NCOR1: variants seen among roughly 807,000 people sequenced by gnomAD.
NCOR1 encodes the protein protein phosphatase 1, regulatory subunit 109.
Under a neutral mutation model 288.1 loss-of-function variants are expected in NCOR1, and 63 were observed. That is an observed-to-expected ratio of 0.22 (90% CI 0.18 to 0.27). The LOEUF is 0.27. NCOR1 is among the 10% of genes least tolerant of loss of function. NCOR1 has a pLI of 1.00. For missense variants in NCOR1, 2,397 were observed against 3,019.2 expected, an observed-to-expected ratio of 0.79 and a Z score of 4.83; for synonymous variants, 1,007 against 1,065.9, an observed-to-expected ratio of 0.94 and a Z score of 1.08.
intron 42 of NCOR1, chr17:16,044,854 A>T: frequency 1.1e-6 from 1 of 882,736 alleles, no homozygotes; most frequent in Non-Finnish European, 1.9e-6. Flanking sequence ...CACCAGTGGG[A>T]TCCTGCCCAC....
intron 16 of NCOR1, among the ~76,000 whole-genome samples, chr17:16,120,567 G>C (rs2072785241): frequency 6.6e-6 from 1 of 152,056 alleles, no homozygotes; most frequent in South Asian, 2.1e-4. Context: ...CTTAATGAGA[G>C]AGAGAAAGAT....
At chr17:16,065,068 A>G (rs1373246407) in intron 33 of NCOR1, 49 bp from the exon 34 acceptor site, 2 of 1,552,798 alleles carry the variant, frequency 1.3e-6, no homozygotes, top group South Asian at 2.3e-5. Context: ...CTAAAGGTAC[A>G]GAACCATACA....
chr17:16,087,638 C>G (rs971571531), intron 22 of NCOR1, among the ~76,000 whole-genome samples: 2 of 152,184 alleles, frequency 1.3e-5, no homozygotes, highest in Non-Finnish European at 2.9e-5. Flanking sequence ...AGGCAAACAT[C>G]AGATTATCAA....
At chr17:16,050,976 G>T (rs1006482054) in intron 40 of NCOR1, among the ~76,000 whole-genome samples, 2 of 152,074 alleles carry the variant, frequency 1.3e-5, no homozygotes, top group Non-Finnish European at 2.9e-5. Context: ...GGGACTACAG[G>T]TGCATGCCAC....
At chr17:16,166,445 C>T (rs570337367) in intron 4 of NCOR1, among the ~76,000 whole-genome samples, 1 of 152,146 alleles carries the variant, frequency 6.6e-6, no homozygotes, top group African/African-American at 2.4e-5. Context: ...CTTTGGGATG[C>T]TGACGCAGGC....
At chr17:16,043,846 C>T (rs1471473470) in intron 42 of NCOR1, among the ~76,000 whole-genome samples, 1 of 152,160 alleles carries the variant, frequency 6.6e-6, no homozygotes, top group Non-Finnish European at 1.5e-5. Flanking sequence ...CTGTTGAAGA[C>T]TGGAGACAGA....
chr17:16,141,238 G>C (rs2077108911), intron 11 of NCOR1, among the ~76,000 whole-genome samples: 1 of 152,144 alleles, frequency 6.6e-6, no homozygotes, highest in Admixed American at 6.5e-5. Context: ...AAAAGCTTGA[G>C]TGTGGGATAT....
chr17:16,163,492 T>C (rs2081315550), intron 5 of NCOR1, among the ~76,000 whole-genome samples: 1 of 152,092 alleles, frequency 6.6e-6, no homozygotes. Context: ...GATGGCTATA[T>C]TTTTTTAAAA....
intron 25 of NCOR1, 145 bp from the exon 26 acceptor site, chr17:16,080,209 G>T: frequency 2.5e-6 from 2 of 799,314 alleles, no homozygotes; most frequent in Non-Finnish European, 3.9e-6. Context: ...TTATTAAAAT[G>T]TACTTCCAAA....
intron 3 of NCOR1, among the ~76,000 whole-genome samples, chr17:16,180,928 G>A (rs536508821): frequency 2.0e-5 from 3 of 152,356 alleles, no homozygotes; most frequent in East Asian, 1.9e-4. Context: ...GGAGGCTGAG[G>A]TGGGCGGATT....
At chr17:16,080,288 C>G (rs998936490) in intron 25 of NCOR1, 120 bp downstream of exon 25, 2 of 974,540 alleles carry the variant, frequency 2.1e-6, no homozygotes, top group Non-Finnish European at 3.0e-6. Context: ...GGAAAGAAAA[C>G]AAATTTAGAA....
intron 1 of NCOR1, among the ~76,000 whole-genome samples, chr17:16,207,236 T>C (rs2091619709): frequency 6.6e-6 from 1 of 152,186 alleles, no homozygotes; most frequent in Non-Finnish European, 1.5e-5. Flanking sequence ...GATGACTACT[T>C]AAAACAAACA....
Position 16,061,613 on chromosome 17 carries a change from C to T in NCOR1, c.5669G>A (p.Gly1890Asp), listed in dbSNP as rs768556634. The T allele has an allele frequency of 1.2e-6, 2 of 1,614,222 alleles. No individual in the cohort carries two copies. Among genetic ancestry groups the T allele is most frequent in the Non-Finnish European group, 1.7e-6 (2 of 1,180,048 alleles). ...TACTGAAGAATGAGGCTGGGGCTTG[C>T]CACTTGGAAAGGCTGAAGAAGTGTA... ...CLYTSSAFPS[G>D]KPQPHSSVVY... Residue 1890 changes from glycine to aspartate, a missense_variant, in exon 37 of 46, where the codon GGC becomes GAC. Around this residue, in one of 11 missense-constraint regions of NCOR1, gnomAD observed 1,872 missense variants for 2,187.8 expected, o/e 0.86. Coordinates refer to ENST00000268712, the MANE Select transcript of NCOR1 (RefSeq NM_006311.4).
chr17:16,087,183 CTA>C, intron 22 of NCOR1: 1 of 1,303,974 alleles, frequency 7.7e-7, no homozygotes, highest in Non-Finnish European at 1.0e-6. Context: ...TGGCGGGACA[CTA>C]TAGCGGGCTG....
At chr17:16,207,745 A>C (rs1389868506) in intron 1 of NCOR1, among the ~76,000 whole-genome samples, 1 of 151,128 alleles carries the variant, frequency 6.6e-6, no homozygotes, top group East Asian at 1.9e-4. Flanking sequence ...TCTCCAAAAA[A>C]AAAAAAAAAA....
At chr17:16,191,396 C>A (rs6502496) in intron 2 of NCOR1, among the ~76,000 whole-genome samples, 7,520 of 152,186 alleles carry the variant, frequency 0.049, 219 homozygotes, top group African/African-American at 0.092. Context: ...ACCAGAAGGA[C>A]TTCATCTCTC....
intron 19 of NCOR1, among the ~76,000 whole-genome samples, chr17:16,104,641 G>A (rs757008373): frequency 2.4e-4 from 37 of 152,084 alleles, no homozygotes; most frequent in South Asian, 2.1e-4. Context: ...TCATGGTGGC[G>A]TACACCAGTA....
At chr17:16,038,704 C>G (rs1225767373) in intron 44 of NCOR1, among the ~76,000 whole-genome samples, 1 of 152,122 alleles carries the variant, frequency 6.6e-6, no homozygotes, top group Non-Finnish European at 1.5e-5. Context: ...TCCCAAAGTG[C>G]TATGATTACA....
intron 1 of NCOR1, among the ~76,000 whole-genome samples, chr17:16,203,040 TAC>T (rs57228948): frequency 1.4e-3 from 209 of 146,810 alleles, no homozygotes; most frequent in East Asian, 5.7e-3. Flanking sequence ...AGCTGTTCCT[TAC>T]ACACACACAC....
Sources: gnomAD v4.1 joint callset for allele counts (sites outside exome capture counted in the v4.1 genomes callset) on GRCh38, gnomAD v4.1.1 for gene constraint, gnomAD v4.1.1 regional missense constraint, MANE v1.5 for transcripts, NCBI Gene and HGNC (gene_info 2026-07-23, HGNC 2026-07-21) for gene names.